The following RNF216 variants were observed in gnomAD, a reference collection of about 807,000 sequenced individuals.
RNF216 encodes the protein ring finger protein 216.
In RNF216, 72 loss-of-function variants were observed where a neutral mutation model predicts 110.8. That is an observed-to-expected ratio of 0.65 (90% CI 0.54 to 0.79). RNF216 has a LOEUF of 0.79. Among genes scored for constraint, RNF216 ranks in the 30% least tolerant of loss-of-function variants. The pLI is 0.00. For missense variants in RNF216, 1,342 were observed against 1,141.2 expected (o/e 1.18, Z -2.54); for synonymous variants, 495 against 407.5 (o/e 1.21, Z -2.59).
In RNF216 at chr7:5,622,516, T is replaced by G. The variant is rs1584322240; in HGVS notation, c.*344A>C. 1 of 220,718 alleles carries G rather than the reference T, an allele frequency of 4.5e-6. No homozygotes were observed. The highest frequency in any genetic ancestry group is 1.6e-4 in the South Asian group (1 of 6,378). 13.7% of individuals were successfully genotyped at this position (220,718 alleles called of 1,614,324 possible). A position where few individuals can be genotyped will look rare whatever the true frequency, so the allele number is the denominator to read the frequency against. The stretch of plus-strand genomic sequence containing the variant: ...TCTCGGCTGCCTTGCTACCCAGGGG[T>G]CGGCTCCGAGGAGAGGCCCAGGTGT... On this transcript the variant is annotated 3_prime_UTR_variant, in exon 17 of 17. Coordinates refer to ENST00000389902, the MANE Select transcript of RNF216 (RefSeq NM_207111.4).
chr7:5,733,184 G>C (rs1794191210), intron 5 of RNF216: 2 of 152,178 alleles, frequency 1.3e-5, no homozygotes, highest in African/African-American at 4.8e-5. Flanking sequence ...GAGAATAATG[G>C]AAAGGAAAGC....
chr7:5,644,591 C>T (rs1360295459), intron 14 of RNF216, among the ~76,000 whole-genome samples: 2 of 151,804 alleles, frequency 1.3e-5, no homozygotes, highest in South Asian at 2.1e-4. Context: ...CTGCAACTTC[C>T]GCCTCCTGGG....
chr7:5,660,482 G>A (rs1479359340), intron 13 of RNF216, among the ~76,000 whole-genome samples: 1 of 151,232 alleles, frequency 6.6e-6, no homozygotes, highest in Non-Finnish European at 1.5e-5. Context: ...AGTAGAGACA[G>A]GGTTTCACCA....
chr7:5,775,225 C>T (rs1208648993), intron 1 of RNF216: 1 of 152,052 alleles, frequency 6.6e-6, no homozygotes, highest in Admixed American at 6.6e-5. Context: ...AAGTATTGCC[C>T]ATTACAGAAA....
chr7:5,684,594 A>C (rs1169876050), intron 13 of RNF216, among the ~76,000 whole-genome samples: 1 of 152,176 alleles, frequency 6.6e-6, no homozygotes, highest in Non-Finnish European at 1.5e-5. Context: ...TGTCAGGGGC[A>C]GTAAAGCCCA....
At chr7:5,687,417 AAAAGAAAAGAAAAG>A (rs1204896623) in intron 13 of RNF216, among the ~76,000 whole-genome samples, 11 of 151,146 alleles carry the variant, frequency 7.3e-5, no homozygotes, top group African/African-American at 2.7e-4. Flanking sequence ...AAAAAAAAGA[AAAAGAAAAGAAAAG>A]AAAGAAAAGA....
intron 7 of RNF216, among the ~76,000 whole-genome samples, chr7:5,726,440 G>A: frequency 6.6e-6 from 1 of 152,134 alleles, no homozygotes; most frequent in East Asian, 1.9e-4. Flanking sequence ...TTCTCTGTGT[G>A]CACCTATATC....
At chr7:5,675,575 G>C (rs532360246) in intron 13 of RNF216, among the ~76,000 whole-genome samples, 1 of 152,040 alleles carries the variant, frequency 6.6e-6, no homozygotes. Flanking sequence ...CCAGGAGGTC[G>C]GGCTGCAGTG....
intron 14 of RNF216, among the ~76,000 whole-genome samples, chr7:5,643,409 G>A (rs1787860095): frequency 6.6e-6 from 1 of 151,448 alleles, no homozygotes; most frequent in African/African-American, 2.4e-5. Context: ...CCCGCAGGAT[G>A]TGCTCCCGGG....
intron 10 of RNF216, among the ~76,000 whole-genome samples, chr7:5,716,408 T>A (rs954593177): frequency 6.6e-5 from 10 of 152,140 alleles, no homozygotes; most frequent in Non-Finnish European, 8.8e-5. Context: ...TGCCCTGAGG[T>A]TAGACATACC....
chr7:5,675,444 C>A (rs1197285708), intron 13 of RNF216, among the ~76,000 whole-genome samples: 2 of 151,954 alleles, frequency 1.3e-5, no homozygotes, highest in Non-Finnish European at 2.9e-5. Context: ...TTGAGACAAG[C>A]CTGGACAACA....
chr7:5,674,164 G>A (rs1790114186), intron 13 of RNF216, among the ~76,000 whole-genome samples: 1 of 151,890 alleles, frequency 6.6e-6, no homozygotes, highest in African/African-American at 2.4e-5. Flanking sequence ...TGAATAGCTG[G>A]GATTATAGGC....
intron 7 of RNF216, among the ~76,000 whole-genome samples, chr7:5,727,627 G>A (rs1793840287): frequency 6.6e-6 from 1 of 152,138 alleles, no homozygotes; most frequent in African/African-American, 2.4e-5. Context: ...AGCTACATGG[G>A]AGGCTGAGGC....
rs1158643832 is a variant in RNF216, at chr7:5,620,266, C to T, written c.*2594G>A. 2.6e-5 allele frequency: 4 copies of T among 152,330 alleles called. No homozygotes were observed. The highest frequency in any genetic ancestry group is 2.1e-4 in the South Asian group (1 of 4,832). The allele number at this position is 152,330 out of a possible 1,614,324, so 9.4% of individuals were successfully genotyped here. On this transcript the variant is annotated 3_prime_UTR_variant, in exon 17 of 17. Transcript: ENST00000389902. ...TTTTGCTAAGTGCAAATACTAGATT[C>T]CTCTCTCCAGTTTTAAGGCAAGTAA... is the stretch of plus-strand genomic sequence containing the variant.
At chr7:5,669,768 T>C (rs964498050) in intron 13 of RNF216, among the ~76,000 whole-genome samples, 3 of 152,132 alleles carry the variant, frequency 2.0e-5, no homozygotes, top group African/African-American at 4.8e-5. Context: ...GTTGTGCACT[T>C]GTGATCCAAG....
chr7:5,627,776 C>CT (rs1029219532), intron 15 of RNF216, among the ~76,000 whole-genome samples: 2 of 151,678 alleles, frequency 1.3e-5, no homozygotes, highest in African/African-American at 4.8e-5. Flanking sequence ...CACTAACCCC[C>CT]TTTTTTCCCT....
intron 4 of RNF216, among the ~76,000 whole-genome samples, chr7:5,740,028 A>C (rs1028549567): frequency 3.3e-5 from 5 of 151,124 alleles, no homozygotes; most frequent in African/African-American, 9.7e-5. Flanking sequence ...CAAAAACAAA[A>C]CAAAAAAAAC....
intron 5 of RNF216, among the ~76,000 whole-genome samples, chr7:5,735,387 TAA>T (rs1350923266): frequency 1.3e-5 from 2 of 152,050 alleles, no homozygotes; most frequent in Non-Finnish European, 2.9e-5. Flanking sequence ...CCCAAGAACT[TAA>T]CATATCAGAA....
intron 7 of RNF216, among the ~76,000 whole-genome samples, chr7:5,727,358 C>G (rs1793823295): frequency 6.6e-6 from 1 of 152,214 alleles, no homozygotes; most frequent in Non-Finnish European, 1.5e-5. Context: ...TTTGCACTTA[C>G]TAATCTATGC....
Sources: allele counts gnomAD v4.1 joint callset (sites outside exome capture counted in the v4.1 genomes callset), GRCh38; gene constraint gnomAD v4.1.1; transcripts MANE v1.5; gene names NCBI Gene and HGNC (gene_info 2026-07-23, HGNC 2026-07-21).